ITGA4: variants seen among roughly 807,000 people sequenced by gnomAD.
The protein encoded by ITGA4 is integrin subunit alpha 4.
A neutral mutation model predicts 133.6 loss-of-function variants in ITGA4; 63 were observed. That is an observed-to-expected ratio of 0.47 (90% CI 0.38 to 0.58). The LOEUF is 0.58. Ranked by LOEUF, ITGA4 falls within the 20% of genes least tolerant of loss-of-function variation. The probability of loss-of-function intolerance (pLI) is 0.00; values close to 1 mark genes in which losing one functional copy is unlikely to be tolerated. For missense variants in ITGA4, 1,076 were observed against 1,252.7 expected, an observed-to-expected ratio of 0.86 and a Z score of 2.13; for synonymous variants, 483 against 438.0, an observed-to-expected ratio of 1.10 and a Z score of -1.28.
At chr2:181,529,895 C>T (rs757619624) in intron 23 of ITGA4, among the ~76,000 whole-genome samples, 1 of 152,106 alleles carries the variant, frequency 6.6e-6, no homozygotes, top group Non-Finnish European at 1.5e-5. Context: ...TATATTCTAC[C>T]ATCTCCATTG....
Position 181,523,399 on chromosome 2 carries a change from C to T in ITGA4, c.2074-38C>T, listed in dbSNP as rs1198122380. On this transcript the variant is annotated intron_variant, in intron 18 of 27. Coordinates refer to ENST00000397033, the MANE Select transcript of ITGA4 (RefSeq NM_000885.6). The surrounding 1 kb of genome is among the most constrained non-coding windows in gnomAD (Gnocchi z 4.2). ...ACATATGTTACAAACTTTTTATTTC[C>T]TTCCTGTCCAAAACAGTTGTTTCAT... 1 of 1,218,016 alleles carries T rather than the reference C, an allele frequency of 8.2e-7. No individual in the cohort carries two copies. Among genetic ancestry groups the T allele is most frequent in the Non-Finnish European group, 1.2e-6 (1 of 821,510 alleles). The allele number at this position is 1,218,016 out of a possible 1,614,324, so 75.5% of individuals were successfully genotyped here. A position where few individuals can be genotyped will look rare whatever the true frequency, so the allele number is the denominator to read the frequency against.
rs1377678064 is a variant in ITGA4, at chr2:181,508,741, TAAG to T, written c.1696-914_1696-912del. ...AATAAATAAAAACTTTAACAACTAA[TAAG>T]AAAATCAGTGAAGCGACCAGTGTAT... On this transcript the variant is annotated intron_variant, in intron 15 of 27. Transcript: ENST00000397033. Among the ~76,000 whole-genome samples the T allele has an allele frequency of 1.3e-4, 19 of 151,846 alleles. No homozygotes were observed. In the South Asian group the frequency reaches 1.9e-3, roughly 15 times the overall value.
chr2:181,481,973 AAAG>A (rs1685815313), intron 7 of ITGA4, among the ~76,000 whole-genome samples: 1 of 152,208 alleles, frequency 6.6e-6, no homozygotes, highest in Non-Finnish European at 1.5e-5. Flanking sequence ...TCACAGCTGA[AAAG>A]AAGTTGAGGT....
chr2:181,503,591 T>C (rs1342606250), intron 15 of ITGA4, among the ~76,000 whole-genome samples: 2 of 42,978 alleles, frequency 4.7e-5, no homozygotes, highest in Non-Finnish European at 1.0e-4. Context: ...TTTTTTTTGC[T>C]TTAAAAAATC....
Position 181,495,466 on chromosome 2 carries a change from A to C in ITGA4, c.1385+50A>C. 1 of 1,325,882 alleles carries C rather than the reference A, an allele frequency of 7.5e-7. No individual in the cohort carries two copies. Among genetic ancestry groups the C allele is most frequent in the East Asian group, 2.3e-5 (1 of 43,408 alleles). The allele number at this position is 1,325,882 out of a possible 1,614,324, so 82.1% of individuals were successfully genotyped here. On this transcript the variant is annotated intron_variant, in intron 13 of 27. Transcript: ENST00000397033. The surrounding 1 kb of genome is among the most constrained non-coding windows in gnomAD (Gnocchi z 4.3). ...TAATTGCAATTTGGTTTAATTGTAAAATGATGGGAGGTGGTGTTTAAAATC... is the reference window on the plus strand; with the variant it reads ...TAATTGCAATTTGGTTTAATTGTAACATGATGGGAGGTGGTGTTTAAAATC...
rs1310146179 is a variant in ITGA4, at chr2:181,538,013, C to CTGA, written c.*2491_*2493dup. The CTGA allele has an allele frequency of 1.5e-6, 1 of 686,870 alleles. No homozygotes were observed. The highest frequency in any genetic ancestry group is 1.8e-5 in the African/African-American group (1 of 56,460). 42.5% of individuals were successfully genotyped at this position (686,870 alleles called of 1,614,324 possible). A position where few individuals can be genotyped will look rare whatever the true frequency, so the allele number is the denominator to read the frequency against. The stretch of plus-strand genomic sequence containing the variant: ...CATGTTCCTCAAGAGAATCTAATGC[C>CTGA]TGATGATCTGAGGTGGAACAGTTCA... On this transcript the variant is annotated 3_prime_UTR_variant, in exon 28 of 28. Transcript: ENST00000397033.
At chr2:181,530,039 C>T (rs186400899) in intron 23 of ITGA4, among the ~76,000 whole-genome samples, 2 of 152,254 alleles carry the variant, frequency 1.3e-5, no homozygotes, top group East Asian at 3.9e-4. Flanking sequence ...AAGCACTATT[C>T]AAACCACTTC....
At chr2:181,488,589 C>T (rs155112) in intron 10 of ITGA4, among the ~76,000 whole-genome samples, 46,642 of 151,036 alleles carry the variant, frequency 0.31, 7,756 homozygotes, top group Middle Eastern at 0.38. Context: ...GATGGAGTCT[C>T]GCTGTGTCAC....
At chr2:181,458,682 T>TC (rs1685194549) in intron 2 of ITGA4, 1 of 234,930 alleles carries the variant, frequency 4.3e-6, no homozygotes, top group Middle Eastern at 1.7e-3. Context: ...TTTATTTCCA[T>TC]CTTTGACCTA....
rs1262004063 is a variant in ITGA4, at chr2:181,537,175, T to C, written c.*1648T>C. On this transcript the variant is annotated 3_prime_UTR_variant, in exon 28 of 28. Transcript: ENST00000397033. ...GGCTAGTCATTCTTTCAGGAGAACATCTAGGATCATAGATGAAAAATCAAG... is the reference window on the plus strand; with the variant it reads ...GGCTAGTCATTCTTTCAGGAGAACACCTAGGATCATAGATGAAAAATCAAG... 2.2e-6 allele frequency: 1 copy of C among 453,958 alleles called. No homozygotes were observed. Among genetic ancestry groups the C allele is most frequent in the East Asian group, 6.9e-5 (1 of 14,396 alleles). 28.1% of individuals were successfully genotyped at this position (453,958 alleles called of 1,614,324 possible). A position where few individuals can be genotyped will look rare whatever the true frequency, so the allele number is the denominator to read the frequency against.
Position 181,458,277 on chromosome 2 carries a change from C to T in ITGA4, c.279C>T (p.Ile93=), listed in dbSNP as rs1486168150. 1.2e-6 allele frequency: 2 copies of T among 1,612,862 alleles called. No homozygotes were observed. Among genetic ancestry groups the T allele is most frequent in the African/African-American group, 2.7e-5 (2 of 75,030 alleles). The change falls in exon 2 of 28, where the codon ATC becomes ATT. Residue 93 remains isoleucine, a synonymous_variant. Coordinates refer to ENST00000397033, the MANE Select transcript of ITGA4 (RefSeq NM_000885.6). ...CCGGGGCGATTTACAGATGCAGGAT[C>T]GGAAAGAATCCCGGCCAGACGTGCG... ...INPGAIYRCR[I]GKNPGQTCEQ...
chr2:181,478,001 C>A (rs1048546623), intron 4 of ITGA4, among the ~76,000 whole-genome samples: 1 of 151,978 alleles, frequency 6.6e-6, no homozygotes, highest in African/African-American at 2.4e-5. Context: ...TATATATACA[C>A]ACATATATAC....
chr2:181,522,719 C>T (rs769796828), intron 18 of ITGA4, among the ~76,000 whole-genome samples: 7 of 152,170 alleles, frequency 4.6e-5, no homozygotes, highest in Non-Finnish European at 8.8e-5. Context: ...GACACTCAGA[C>T]AATTAATAGA....
intron 23 of ITGA4, among the ~76,000 whole-genome samples, chr2:181,529,947 T>C (rs1686910348): frequency 6.6e-6 from 1 of 152,214 alleles, no homozygotes; most frequent in Middle Eastern, 3.2e-3. Context: ...TATGGACCTA[T>C]AGAGGTAACT....
intron 15 of ITGA4, among the ~76,000 whole-genome samples, chr2:181,499,596 A>G (rs1357258324): frequency 6.6e-6 from 1 of 152,208 alleles, no homozygotes; most frequent in African/African-American, 2.4e-5. Context: ...AAATGCAAGC[A>G]AGCATCAAGA....
At position 181,512,729 on chromosome 2, in the gene ITGA4, G is replaced by A. The variant is rs116071912; in HGVS notation, c.1922+954G>A. ...GGAAGTTGGCATTTATTAATAAAAT[G>A]TGACGGGTGGTGAAAAAATGGGTAT... On this transcript the variant is annotated intron_variant, in intron 17 of 27. Transcript: ENST00000397033. 4.4e-3 allele frequency among the ~76,000 whole-genome samples: 670 copies of A among 152,182 alleles called. 7 individuals carry two copies. The highest frequency in any genetic ancestry group is 0.015 in the African/African-American group (641 of 41,530).
intron 27 of ITGA4, 23 bp downstream of exon 27, chr2:181,534,958 C>T (rs41265949): frequency 0.29 from 436,398 of 1,528,490 alleles, 66,361 homozygotes; most frequent in Non-Finnish European, 0.32. Context: ...CAATTACCAA[C>T]ATTAGTCTAC....
chr2:181,497,537 A>G (rs1574397469), intron 14 of ITGA4, among the ~76,000 whole-genome samples: 1 of 152,280 alleles, frequency 6.6e-6, no homozygotes, highest in South Asian at 2.1e-4. Flanking sequence ...TTTGAAATCC[A>G]ATTGGCTTGG....
intron 10 of ITGA4, among the ~76,000 whole-genome samples, chr2:181,492,737 A>G (rs577770174): frequency 6.6e-6 from 1 of 152,330 alleles, no homozygotes; most frequent in African/African-American, 2.4e-5. Context: ...TTTTTCTGAA[A>G]TCCTGTGTGT....
Sources: gnomAD v4.1 joint callset for allele counts (sites outside exome capture counted in the v4.1 genomes callset) on GRCh38, gnomAD v4.1.1 for gene constraint, Gnocchi (gnomAD v3.1) non-coding constraint, MANE v1.5 for transcripts, NCBI Gene and HGNC (gene_info 2026-07-23, HGNC 2026-07-21) for gene names.